NTM: variants seen among roughly 807,000 people sequenced by gnomAD.
The protein encoded by NTM is IgLON family member 2.
A neutral mutation model predicts 42.1 loss-of-function variants in NTM; 13 were observed. That is an observed-to-expected ratio of 0.31 (90% CI 0.20 to 0.49). NTM has a LOEUF of 0.49. Ranked by LOEUF, NTM falls within the 20% of genes least tolerant of loss-of-function variation. The pLI is 0.99. For missense variants in NTM, 373 were observed against 452.8 expected (o/e 0.82, Z 1.60); for synonymous variants, 187 against 179.2 (o/e 1.04, Z -0.35).
intron 3 of NTM, among the ~76,000 whole-genome samples, chr11:132,158,103 C>T (rs530438892): frequency 1.6e-4 from 25 of 152,312 alleles, no homozygotes; most frequent in Admixed American, 1.2e-3. Context: ...CTGATTTAGT[C>T]GCTTCCTGGC....
intron 1 of NTM, among the ~76,000 whole-genome samples, chr11:131,620,944 G>T (rs1417377527): frequency 2.0e-5 from 3 of 152,186 alleles, no homozygotes; most frequent in Non-Finnish European, 4.4e-5. Context: ...ATGAATGAAT[G>T]AATGAATCAT....
chr11:131,790,296 G>T (rs948839038), intron 1 of NTM, among the ~76,000 whole-genome samples: 3 of 152,120 alleles, frequency 2.0e-5, no homozygotes, highest in Non-Finnish European at 4.4e-5. Context: ...AGACTGATGA[G>T]AAAAACACAT....
chr11:131,498,560 A>T (rs1301283534), intron 1 of NTM, among the ~76,000 whole-genome samples: 2 of 151,888 alleles, frequency 1.3e-5, no homozygotes, highest in South Asian at 4.2e-4. Flanking sequence ...TCACACACAT[A>T]CACAGAGCAA....
chr11:131,567,410 C>T (rs1317099229), intron 1 of NTM, among the ~76,000 whole-genome samples: 2 of 152,106 alleles, frequency 1.3e-5, no homozygotes, highest in Non-Finnish European at 2.9e-5. Context: ...TGGCTTGAAC[C>T]TGGGAGGCAG....
chr11:131,626,956 C>T (rs1261923496), intron 1 of NTM, among the ~76,000 whole-genome samples: 4 of 152,224 alleles, frequency 2.6e-5, no homozygotes, highest in African/African-American at 9.6e-5. Flanking sequence ...TCTGAGGAAC[C>T]TGTAGGCTAT....
chr11:132,002,458 A>G lies in NTM; in HGVS notation c.167+90810A>G, dbSNP rs2069519549. Among the ~76,000 whole-genome samples, 1 of 152,190 alleles carries G rather than the reference A, an allele frequency of 6.6e-6. No homozygotes were observed. Among genetic ancestry groups the G allele is most frequent in the African/African-American group, 2.4e-5 (1 of 41,446 alleles). The stretch of plus-strand genomic sequence containing the variant: ...AGAATGAGAATTTTGAGTGTCAGTG[A>G]TCAACAATTAACCCTACGTCTCAAT... On this transcript the variant is annotated intron_variant, in intron 2 of 8. Transcript: ENST00000683400. The surrounding 1 kb of genome is among the most constrained non-coding windows in gnomAD (Gnocchi z 4.5).
rs113854875 is a variant in NTM at position 131,949,220 on chromosome 11, T to C, written c.167+37572T>C. On this transcript the variant is annotated intron_variant, in intron 2 of 8. Coordinates refer to ENST00000683400, the MANE Select transcript of NTM (RefSeq NM_001352005.2). Reference sequence around the variant, plus strand: ...ATACTGTTACATGCATTAGTGTATATTACTGCGTTTTCTTTAATCATTCAT... The same window carrying C: ...ATACTGTTACATGCATTAGTGTATACTACTGCGTTTTCTTTAATCATTCAT... Among the ~76,000 whole-genome samples, 580 of 152,364 alleles carry C rather than the reference T, an allele frequency of 3.8e-3. 5 individuals carry two copies. The highest frequency in any genetic ancestry group is 0.013 in the African/African-American group (542 of 41,582).
intron 2 of NTM, among the ~76,000 whole-genome samples, chr11:131,999,150 G>C (rs2068698196): frequency 6.6e-6 from 1 of 152,122 alleles, no homozygotes; most frequent in African/African-American, 2.4e-5. Context: ...GCTTTCAGGA[G>C]AGGCTCTGAG....
chr11:132,097,220 C>G (rs2061114201), intron 2 of NTM, among the ~76,000 whole-genome samples: 1 of 152,206 alleles, frequency 6.6e-6, no homozygotes, highest in Non-Finnish European at 1.5e-5. Context: ...AGAGAGCACG[C>G]AAGTGTTGTG....
chr11:131,413,794 A>G (rs1296611670), intron 1 of NTM, among the ~76,000 whole-genome samples: 1 of 152,176 alleles, frequency 6.6e-6, no homozygotes, highest in African/African-American at 2.4e-5. Flanking sequence ...CCGTGGGGAC[A>G]AGCAGGACAA....
Position 132,209,641 on chromosome 11 carries a change from C to T in NTM, c.401-2381C>T, listed in dbSNP as rs117870388. Among the ~76,000 whole-genome samples, 39 of 152,228 alleles carry T rather than the reference C, an allele frequency of 2.6e-4. 1 individual carries two copies. The East Asian group carries it at 6.8e-3, about 26-fold the overall frequency. Reference sequence around the variant, plus strand: ...TTACATAAAAGTTTACTTTAAATGCCGTATAGGAGACACTACAGTGCTGTG... The same window carrying T: ...TTACATAAAAGTTTACTTTAAATGCTGTATAGGAGACACTACAGTGCTGTG... On this transcript the variant is annotated intron_variant, in intron 3 of 8. Coordinates refer to ENST00000683400, the MANE Select transcript of NTM (RefSeq NM_001352005.2).
chr11:131,888,540 G>A (rs556105865), intron 1 of NTM, among the ~76,000 whole-genome samples: 4 of 152,148 alleles, frequency 2.6e-5, no homozygotes, highest in Admixed American at 6.5e-5. Context: ...GCAGCATCCC[G>A]AGACAGGTCT....
At chr11:132,112,641 C>A (rs1447656510) in intron 2 of NTM, among the ~76,000 whole-genome samples, 2 of 151,774 alleles carry the variant, frequency 1.3e-5, no homozygotes, top group East Asian at 1.9e-4. Flanking sequence ...ATCATGACGT[C>A]CCCCCGGGCT....
chr11:131,771,900 C>T (rs915246529), intron 1 of NTM, among the ~76,000 whole-genome samples: 4 of 152,136 alleles, frequency 2.6e-5, no homozygotes, highest in African/African-American at 7.2e-5. Flanking sequence ...GCTGAATTGG[C>T]CCCATCGTGA....
intron 2 of NTM, among the ~76,000 whole-genome samples, chr11:131,926,318 TAAAC>T (rs1037260542): frequency 3.1e-4 from 47 of 151,996 alleles, no homozygotes; most frequent in African/African-American, 1.0e-3. Context: ...AACAAATAAG[TAAAC>T]AAACAAACAA....
intron 1 of NTM, among the ~76,000 whole-genome samples, chr11:131,728,548 A>C (rs543194881): frequency 6.6e-6 from 1 of 152,286 alleles, no homozygotes; most frequent in Non-Finnish European, 1.5e-5. Flanking sequence ...ATTTTTGTGG[A>C]GGCTTCATTA....
chr11:132,250,561 G>A (rs1474720006), intron 4 of NTM, among the ~76,000 whole-genome samples: 1 of 150,404 alleles, frequency 6.6e-6, no homozygotes, highest in Non-Finnish European at 1.5e-5. Context: ...GCATTGTTTG[G>A]CATTCTTCAT....
At chr11:131,607,613 G>A (rs567964680) in intron 1 of NTM, among the ~76,000 whole-genome samples, 1 of 152,288 alleles carries the variant, frequency 6.6e-6, no homozygotes, top group South Asian at 2.1e-4. Context: ...AGCAGAGCCT[G>A]CCTGTAATGA....
chr11:131,654,690 C>A (rs2658811), intron 1 of NTM, among the ~76,000 whole-genome samples: 109,534 of 151,620 alleles, frequency 0.72, 41,297 homozygotes, highest in East Asian at 0.89. Context: ...GTTAGTTCGC[C>A]TGAGATCTGG....
Sources: allele counts gnomAD v4.1 joint callset (sites outside exome capture counted in the v4.1 genomes callset), GRCh38; gene constraint gnomAD v4.1.1; non-coding constraint Gnocchi (gnomAD v3.1); transcripts MANE v1.5; gene names NCBI Gene and HGNC (gene_info 2026-07-23, HGNC 2026-07-21).